Variants in SH2D4A observed in about 807,000 individuals in gnomAD.
SH2D4A encodes the protein SH2 domain containing 4A.
Under a neutral mutation model 64.7 loss-of-function variants are expected in SH2D4A, and 70 were observed. The ratio of observed to expected loss-of-function variants is 1.08; its 90% CI spans 0.89 to 1.32. The LOEUF is 1.32. Ranked by LOEUF, SH2D4A falls within the 40% of genes most tolerant of loss-of-function variation. The pLI, the probability that SH2D4A is intolerant of heterozygous loss-of-function variation, is 0.00. For missense variants in SH2D4A, 706 were observed against 540.1 expected (o/e 1.31, Z -3.04); for synonymous variants, 268 against 200.7 (o/e 1.34, Z -2.83).
At chr8:19,356,198 C>A (rs1255352017) in intron 4 of SH2D4A, among the ~76,000 whole-genome samples, 2 of 152,138 alleles carry the variant, frequency 1.3e-5, no homozygotes, top group Non-Finnish European at 2.9e-5. Flanking sequence ...GTTAAGACAA[C>A]CGCTGAGGCA....
chr8:19,355,419 C>T lies in SH2D4A; in HGVS notation c.514-1784C>T, dbSNP rs149967805. Among the ~76,000 whole-genome samples, 20 of 151,890 alleles carry T rather than the reference C, an allele frequency of 1.3e-4. No individual in the cohort carries two copies. In the East Asian group the frequency reaches 2.9e-3, roughly 22 times the overall value. ...AACTGGTTACTGTTCTAAGTTTAGA[C>T]GCAGAGCAGCAAAGTATACTTTTAT... On this transcript the variant is annotated intron_variant, in intron 4 of 9. Coordinates refer to ENST00000265807, the MANE Select transcript of SH2D4A (RefSeq NM_022071.4).
At chr8:19,392,932 G>A (rs912477092) in intron 8 of SH2D4A, among the ~76,000 whole-genome samples, 8 of 151,972 alleles carry the variant, frequency 5.3e-5, no homozygotes, top group African/African-American at 1.9e-4. Flanking sequence ...TAGTAGACAT[G>A]GGGTTTCACC....
At chr8:19,358,526 G>GGAGCAATGTGGATGTCT (rs1216249934) in intron 5 of SH2D4A, among the ~76,000 whole-genome samples, 10 of 152,256 alleles carry the variant, frequency 6.6e-5, no homozygotes, top group African/African-American at 2.2e-4. Flanking sequence ...AAAGAGGGAA[G>GGAGCAATGTGGATGTCT]GAGCAATGTG....
chr8:19,352,945 G>T (rs2052731050), intron 4 of SH2D4A, among the ~76,000 whole-genome samples: 1 of 152,162 alleles, frequency 6.6e-6, no homozygotes, highest in Non-Finnish European at 1.5e-5. Context: ...AGGAAGTTGA[G>T]GCTGCAGTGA....
intron 5 of SH2D4A, among the ~76,000 whole-genome samples, chr8:19,357,749 A>G (rs929481735): frequency 6.6e-6 from 1 of 152,082 alleles, no homozygotes; most frequent in African/African-American, 2.4e-5. Flanking sequence ...ACGTCCATCT[A>G]GATGTGACAT....
chr8:19,351,979 C>T (rs1208306932), intron 4 of SH2D4A, among the ~76,000 whole-genome samples: 1 of 152,136 alleles, frequency 6.6e-6, no homozygotes, highest in Non-Finnish European at 1.5e-5. Context: ...GATGGGGTTT[C>T]ACCATGTTGG....
chr8:19,391,572 C>A (rs1346848349), intron 8 of SH2D4A, among the ~76,000 whole-genome samples: 1 of 152,210 alleles, frequency 6.6e-6, no homozygotes, highest in Non-Finnish European at 1.5e-5. Flanking sequence ...CACCCACTCC[C>A]AGCTCTTACC....
intron 4 of SH2D4A, among the ~76,000 whole-genome samples, chr8:19,342,132 A>G (rs1307799997): frequency 1.3e-5 from 2 of 152,184 alleles, no homozygotes; most frequent in Non-Finnish European, 2.9e-5. Flanking sequence ...CAAATAATGG[A>G]AAAATATCAG....
intron 2 of SH2D4A, among the ~76,000 whole-genome samples, chr8:19,325,704 T>G (rs1410593282): frequency 6.6e-6 from 1 of 152,236 alleles, no homozygotes; most frequent in Non-Finnish European, 1.5e-5. Context: ...TGTAGTGCCA[T>G]GCAGGTTCCC....
intron 7 of SH2D4A, among the ~76,000 whole-genome samples, chr8:19,369,333 A>G (rs924459015): frequency 2.0e-5 from 3 of 152,020 alleles, no homozygotes; most frequent in Non-Finnish European, 4.4e-5. Flanking sequence ...TTTGATATCA[A>G]GGTAATGCTG....
chr8:19,353,849 C>G (rs374547786), intron 4 of SH2D4A, among the ~76,000 whole-genome samples: 1 of 151,862 alleles, frequency 6.6e-6, no homozygotes, highest in Non-Finnish European at 1.5e-5. Flanking sequence ...ATGGCAAAAT[C>G]TTGGTTCACC....
intron 8 of SH2D4A, among the ~76,000 whole-genome samples, chr8:19,391,375 C>T (rs963051405): frequency 6.6e-6 from 1 of 152,102 alleles, no homozygotes; most frequent in East Asian, 1.9e-4. Flanking sequence ...GTCCATGGTA[C>T]CTACGGTGTT....
intron 4 of SH2D4A, among the ~76,000 whole-genome samples, chr8:19,345,157 C>T (rs1436686119): frequency 1.3e-5 from 2 of 152,154 alleles, no homozygotes; most frequent in Admixed American, 1.3e-4. Context: ...TCCTATGCTG[C>T]CCCTGGGACA....
chr8:19,389,210 G>C (rs1009133955), intron 8 of SH2D4A, among the ~76,000 whole-genome samples: 2 of 152,202 alleles, frequency 1.3e-5, no homozygotes, highest in Non-Finnish European at 2.9e-5. Flanking sequence ...CTGCCACTTG[G>C]ATTTCCAACC....
At chr8:19,391,017 G>A (rs763349274) in intron 8 of SH2D4A, among the ~76,000 whole-genome samples, 9 of 152,114 alleles carry the variant, frequency 5.9e-5, no homozygotes, top group East Asian at 1.9e-4. Flanking sequence ...ATAGTGAGCC[G>A]TCAGCCTAGG....
rs190776776 is a variant in SH2D4A, at chr8:19,363,639, C to G, written c.707-433C>G. 2.0e-5 allele frequency among the ~76,000 whole-genome samples: 3 copies of G among 152,258 alleles called. No homozygotes were observed. In the East Asian group the frequency reaches 5.8e-4, roughly 29 times the overall value. The stretch of plus-strand genomic sequence containing the variant: ...GCACAGCCCCATGCCACTGAGTAGT[C>G]CTGATCTCTGCTAGTGAGTCAAGCA... On this transcript the variant is annotated intron_variant, in intron 6 of 9. Coordinates refer to ENST00000265807, the MANE Select transcript of SH2D4A (RefSeq NM_022071.4).
At chr8:19,370,461 A>G (rs1354754823) in intron 7 of SH2D4A, among the ~76,000 whole-genome samples, 1 of 152,012 alleles carries the variant, frequency 6.6e-6, no homozygotes, top group Non-Finnish European at 1.5e-5. Flanking sequence ...TTCTTGCTGT[A>G]TTGAACTCTT....
chr8:19,392,158 G>T (rs963018608), intron 8 of SH2D4A, among the ~76,000 whole-genome samples: 1 of 152,212 alleles, frequency 6.6e-6, no homozygotes, highest in African/African-American at 2.4e-5. Flanking sequence ...CTGGTCTGGA[G>T]TAAGAGTGTG....
intron 2 of SH2D4A, among the ~76,000 whole-genome samples, chr8:19,326,622 C>G (rs1291664513): frequency 6.6e-6 from 1 of 151,800 alleles, no homozygotes; most frequent in Non-Finnish European, 1.5e-5. Flanking sequence ...CCTTCCCTTT[C>G]TCTCTGTTCT....
Sources: gnomAD v4.1 joint callset for allele counts (sites outside exome capture counted in the v4.1 genomes callset) on GRCh38, gnomAD v4.1.1 for gene constraint, MANE v1.5 for transcripts, NCBI Gene and HGNC (gene_info 2026-07-23, HGNC 2026-07-21) for gene names.